Variants in PTGR3 observed in about 807,000 individuals in gnomAD.
PTGR3 encodes the protein prostaglandin reductase 3, also known as zinc binding alcohol dehydrogenase domain containing 2.
the PTGR3 span, chr18:75,208,558 A>AGGGGGT: frequency 7.3e-6 from 4 of 546,156 alleles, no homozygotes; most frequent in Non-Finnish European, 9.4e-6. Flanking sequence ...CGGGAGCGGG[A>AGGGGGT]GGGGGAGGAG....
chr18:75,195,452 A>C, the PTGR3 span: 1 of 152,162 alleles, frequency 6.6e-6, no homozygotes, highest in Non-Finnish European at 1.5e-5. Context: ...CAGAGAAGTC[A>C]CCTGGCGGAT....
the PTGR3 span, chr18:75,200,901 T>C: frequency 6.6e-6 from 1 of 152,428 alleles, no homozygotes; most frequent in Admixed American, 6.5e-5. Flanking sequence ...TCCATTTAGA[T>C]AGTTGGTTGG....
chr18:75,202,240 C>T, the PTGR3 span: 1 of 1,614,182 alleles, frequency 6.2e-7, no homozygotes, highest in Non-Finnish European at 8.5e-7. Flanking sequence ...AGGGCCACCA[C>T]CTCCCCAATG....
chr18:75,202,618 C>A, the PTGR3 span, among the ~76,000 whole-genome samples: 2 of 144,518 alleles, frequency 1.4e-5, no homozygotes, highest in African/African-American at 5.2e-5. Context: ...GTTTGTTTCA[C>A]ATTTTCACAT....
the PTGR3 span, chr18:75,201,269 GAGA>G: frequency 1.5e-6 from 1 of 656,532 alleles, no homozygotes; most frequent in Non-Finnish European, 2.5e-6. Flanking sequence ...GGAGGAGGAG[GAGA>G]AGGAGAGACC....
chr18:75,197,403 T>C, the PTGR3 span: 4 of 152,314 alleles, frequency 2.6e-5, no homozygotes, highest in East Asian at 1.9e-4. Context: ...ACACCTTCTA[T>C]ATACCCGTAA....
chr18:75,202,072 C>A, the PTGR3 span: 6 of 1,613,966 alleles, frequency 3.7e-6, no homozygotes, highest in Non-Finnish European at 5.1e-6. Context: ...CTGATGTATG[C>A]GGTGGTGCCA....
the PTGR3 span, chr18:75,209,032 G>A: frequency 2.6e-6 from 4 of 1,566,000 alleles, no homozygotes; most frequent in African/African-American, 5.6e-5. The surrounding 1 kb of genome is among the most constrained non-coding windows in gnomAD (Gnocchi z 4.7). Context: ...CGATGGCCCG[G>A]GCCCCGGTGG....
At chr18:75,205,149 C>G in the PTGR3 span, 1 of 985,514 alleles carries the variant, frequency 1.0e-6, no homozygotes, top group South Asian at 4.7e-5. Flanking sequence ...GCCCCCGCGG[C>G]TGGTGAGGAC....
chr18:75,201,820 C>G, the PTGR3 span: 15 of 1,614,048 alleles, frequency 9.3e-6, no homozygotes, highest in African/African-American at 1.3e-5. Flanking sequence ...GATTCATAGA[C>G]CACATCGACA....
chr18:75,201,212 G>T, the PTGR3 span: 1 of 562,884 alleles, frequency 1.8e-6, no homozygotes, highest in Non-Finnish European at 3.1e-6. Context: ...TAGCCATGGA[G>T]GGAAGTTTTA....
At chr18:75,199,015 T>C in the PTGR3 span, 1 of 152,738 alleles carries the variant, frequency 6.5e-6, no homozygotes, top group Non-Finnish European at 1.5e-5. Flanking sequence ...AGTTTAAACA[T>C]ATTTTTGGCA....
the PTGR3 span, chr18:75,208,496 C>T: frequency 3.6e-5 from 38 of 1,041,506 alleles, no homozygotes; most frequent in Admixed American, 1.1e-4. Context: ...TGTGGGTGCG[C>T]GCGGGCGGCC....
At chr18:75,201,375 C>T in the PTGR3 span, 2 of 1,508,372 alleles carry the variant, frequency 1.3e-6, no homozygotes, top group Non-Finnish European at 1.8e-6. Flanking sequence ...ACATAAAGTG[C>T]CCATTTTCTT....
chr18:75,199,244 G>A, the PTGR3 span: 1 of 152,548 alleles, frequency 6.6e-6, no homozygotes, highest in African/African-American at 2.4e-5. Context: ...GGATCCATCA[G>A]TTAAAATGTT....
the PTGR3 span, among the ~76,000 whole-genome samples, chr18:75,207,374 G>T: frequency 1.3e-5 from 2 of 152,202 alleles, no homozygotes; most frequent in South Asian, 4.1e-4. Context: ...AGTTTGTTTG[G>T]AAATCTTTTC....
the PTGR3 span, chr18:75,201,524 C>A: frequency 1.2e-6 from 2 of 1,614,174 alleles, no homozygotes; most frequent in African/African-American, 1.3e-5. Flanking sequence ...GGCCAGTAAA[C>A]CTGCCCTCTG....
chr18:75,201,905 A>T, the PTGR3 span: 1 of 1,614,186 alleles, frequency 6.2e-7, no homozygotes, highest in Middle Eastern at 1.6e-4. Context: ...CACAGCCAAG[A>T]GATTTCAGAA....
the PTGR3 span, among the ~76,000 whole-genome samples, chr18:75,203,684 G>A: frequency 6.6e-6 from 1 of 152,156 alleles, no homozygotes. Context: ...ACAATCATGA[G>A]AAGGGGGAAG....
Sources: allele counts gnomAD v4.1 joint callset (sites outside exome capture counted in the v4.1 genomes callset), GRCh38; gene constraint gnomAD v4.1.1; non-coding constraint Gnocchi (gnomAD v3.1); transcripts MANE v1.5; gene names NCBI Gene and HGNC (gene_info 2026-07-23, HGNC 2026-07-21).